The following NOMO2 variants were observed in gnomAD, a reference collection of about 807,000 sequenced individuals.
NOMO2 encodes the protein NODAL modulator 2.
A neutral mutation model predicts 67.1 loss-of-function variants in NOMO2; 14 were observed. The ratio of observed to expected loss-of-function variants is 0.21; its 90% CI spans 0.14 to 0.33. The LOEUF is 0.33. Among genes scored for constraint, NOMO2 ranks in the 10% least tolerant of loss-of-function variants. NOMO2 has a pLI of 1.00. For synonymous variants in NOMO2, 80 were observed against 305.9 expected (o/e 0.26, Z 7.71); for missense variants, 178 against 761.0 (o/e 0.23, Z 9.01).
At chr16:18,550,683 G>A (rs1361369807) in intron 4 of NOMO2, among the ~76,000 whole-genome samples, 4 of 151,974 alleles carry the variant, frequency 2.6e-5, no homozygotes, top group Non-Finnish European at 4.4e-5. Context: ...CCACCGTGGC[G>A]GTCCAAAAAA....
intron 1 of NOMO2, among the ~76,000 whole-genome samples, chr16:18,559,427 G>A (rs1314963593): frequency 6.6e-5 from 10 of 151,832 alleles, no homozygotes; most frequent in Non-Finnish European, 8.8e-5. Context: ...ACCATGACAC[G>A]AGCCGCAATG....
chr16:18,561,182 A>C (rs1902033361), intron 1 of NOMO2, among the ~76,000 whole-genome samples: 1 of 123,842 alleles, frequency 8.1e-6, no homozygotes, highest in African/African-American at 3.2e-5. Context: ...TTAAAAAAAA[A>C]AAAAAAAAAA....
intron 11 of NOMO2, among the ~76,000 whole-genome samples, chr16:18,536,389 C>T (rs1237185401): frequency 2.6e-5 from 4 of 152,274 alleles, no homozygotes; most frequent in African/African-American, 9.6e-5. Context: ...CTCTTCCCTG[C>T]ACAACACTTG....
rs571807722 is a variant in NOMO2 at position 18,529,762 on chromosome 16, A to G, written c.1670-125T>C. The G allele has an allele frequency of 5.8e-5, 38 of 653,516 alleles. No individual in the cohort carries two copies. In the African/African-American group the frequency reaches 6.1e-4, roughly 11 times the overall value. The allele number at this position is 653,516 out of a possible 1,614,324, so 40.5% of individuals were successfully genotyped here. A position where few individuals can be genotyped will look rare whatever the true frequency, so the allele number is the denominator to read the frequency against. On this transcript the variant is annotated intron_variant, in intron 14 of 30. Transcript: ENST00000622306. The stretch of plus-strand genomic sequence containing the variant: ...AGCAGGTGTGTATGTAGACATAAAG[A>G]TAGAAATATACACATACATATATTT...
At chr16:18,528,421 TAGGGG>T (rs1204632424) in intron 15 of NOMO2, among the ~76,000 whole-genome samples, 1 of 151,992 alleles carries the variant, frequency 6.6e-6, no homozygotes, top group African/African-American at 2.4e-5. Flanking sequence ...ATTAAGCAGT[TAGGGG>T]AGTAAGTTGG....
At chr16:18,534,120 A>G (rs1381845357) in intron 11 of NOMO2, among the ~76,000 whole-genome samples, 11 of 152,038 alleles carry the variant, frequency 7.2e-5, no homozygotes, top group Admixed American at 7.2e-4. Flanking sequence ...CTCAAATAAA[A>G]AAACAGTGGA....
intron 12 of NOMO2, among the ~76,000 whole-genome samples, chr16:18,531,823 C>T (rs1306186253): frequency 2.6e-5 from 4 of 152,050 alleles, no homozygotes; most frequent in African/African-American, 9.7e-5. Context: ...CTCAACAGAC[C>T]GATGTGTATG....
chr16:18,537,246 C>G (rs1291857588), intron 11 of NOMO2, among the ~76,000 whole-genome samples: 1 of 151,804 alleles, frequency 6.6e-6, no homozygotes, highest in Non-Finnish European at 1.5e-5. Flanking sequence ...TCTTTCTGTC[C>G]CCAGCCATCA....
intron 1 of NOMO2, among the ~76,000 whole-genome samples, chr16:18,559,662 G>T (rs1901993433): frequency 6.6e-6 from 1 of 151,934 alleles, no homozygotes; most frequent in South Asian, 2.1e-4. Context: ...TCAGATGCAT[G>T]CATTTAGTGC....
intron 11 of NOMO2, among the ~76,000 whole-genome samples, chr16:18,534,263 A>T (rs2141725459): frequency 6.6e-6 from 1 of 151,728 alleles, no homozygotes; most frequent in African/African-American, 2.4e-5. Flanking sequence ...GCAAACTACC[A>T]CCCAAGGACC....
chr16:18,536,961 C>A (rs1288883475), intron 11 of NOMO2, among the ~76,000 whole-genome samples: 5 of 151,970 alleles, frequency 3.3e-5, no homozygotes, highest in South Asian at 2.1e-4. Flanking sequence ...CAGCTCCCTG[C>A]ACCTCCCTGT....
rs1375367337 is a variant in NOMO2 at position 18,539,870 on chromosome 16, G to C, written c.964-906C>G. On this transcript the variant is annotated intron_variant, in intron 9 of 30. Coordinates refer to ENST00000622306, the MANE Select transcript of NOMO2 (RefSeq NM_173614.4). ...TCTGTGCCCCACTTGCCTGTGAGCA[G>C]CACACCTGTGCTTTCTCTGCAGTTA... 2.0e-5 allele frequency among the ~76,000 whole-genome samples: 3 copies of C among 152,250 alleles called. No homozygotes were observed. In the East Asian group the frequency reaches 5.8e-4, roughly 29 times the overall value.
At chr16:18,555,719 C>A (rs1901889659) in intron 2 of NOMO2, among the ~76,000 whole-genome samples, 1 of 123,126 alleles carries the variant, frequency 8.1e-6, no homozygotes, top group Non-Finnish European at 1.7e-5. Context: ...AGCGATTCTC[C>A]TGCCTCAGCC....
At chr16:18,525,970 ACTT>A (rs1901136579) in intron 16 of NOMO2, among the ~76,000 whole-genome samples, 1 of 151,846 alleles carries the variant, frequency 6.6e-6, no homozygotes, top group Non-Finnish European at 1.5e-5. Flanking sequence ...GCACTGCCAC[ACTT>A]CTTTATTGAG....
intron 15 of NOMO2, among the ~76,000 whole-genome samples, chr16:18,529,052 T>A (rs1901230272): frequency 8.8e-5 from 7 of 79,820 alleles, no homozygotes; most frequent in Admixed American, 1.7e-4. Context: ...TCAGAGAAAC[T>A]CACTTGGCAG....
In NOMO2 at chr16:18,559,520, C is replaced by T. The variant is rs959890146; in HGVS notation, c.166-1729G>A. ...ACATTTGAACATTTGGGAAAGGACT[C>T]GTGTGAAATAAGGTTAAGCCTGTAT... is the stretch of plus-strand genomic sequence containing the variant. On this transcript the variant is annotated intron_variant, in intron 1 of 30. Transcript: ENST00000622306. Among the ~76,000 whole-genome samples the T allele has an allele frequency of 5.3e-5, 8 of 151,970 alleles. 1 individual carries two copies. Among genetic ancestry groups the T allele is most frequent in the Admixed American group, 1.3e-4 (2 of 15,258 alleles).
At chr16:18,557,924 A>G in intron 1 of NOMO2, 133 bp from the exon 2 acceptor site, 9 of 1,506,696 alleles carry the variant, frequency 6.0e-6, no homozygotes, top group Non-Finnish European at 8.2e-6. Context: ...AACACGGGGC[A>G]TTACTGGGGA....
Position 18,556,609 on chromosome 16 carries a change from A to G in NOMO2, c.255+1093T>C, listed in dbSNP as rs545104937. 6.7e-4 allele frequency among the ~76,000 whole-genome samples: 102 copies of G among 152,014 alleles called. 1 individual carries two copies. The highest frequency in any genetic ancestry group is 2.1e-3 in the South Asian group (10 of 4,804). ...TTCATTTGTATTAAAAAATATATCAAAATCAAAACTATGTGTATTGACTAT... is the reference window on the plus strand; with the variant it reads ...TTCATTTGTATTAAAAAATATATCAGAATCAAAACTATGTGTATTGACTAT... On this transcript the variant is annotated intron_variant, in intron 2 of 30. Transcript: ENST00000622306.
At chr16:18,530,863 T>C (rs548171666) in intron 14 of NOMO2, among the ~76,000 whole-genome samples, 174 bp downstream of exon 14, 2 of 96,008 alleles carry the variant, frequency 2.1e-5, no homozygotes, top group African/African-American at 7.2e-5. Flanking sequence ...GCTCAGGGCC[T>C]GGACTCCTCC....
Sources: allele counts gnomAD v4.1 joint callset (sites outside exome capture counted in the v4.1 genomes callset), GRCh38; gene constraint gnomAD v4.1.1; transcripts MANE v1.5; gene names NCBI Gene and HGNC (gene_info 2026-07-23, HGNC 2026-07-21).